KIRREL3: variants seen among roughly 807,000 people sequenced by gnomAD.
KIRREL3 encodes kirre like nephrin family adhesion molecule 3, also known as kin of IRRE-like protein 3.
A neutral mutation model predicts 89.7 loss-of-function variants in KIRREL3; 36 were observed. The observed-to-expected ratio is 0.40, with a 90% CI of 0.31 to 0.53. KIRREL3 has a LOEUF of 0.53. Ranked by LOEUF, KIRREL3 falls within the 20% of genes least tolerant of loss-of-function variation. The pLI, the probability that KIRREL3 is intolerant of heterozygous loss-of-function variation, is 0.49. For synonymous variants in KIRREL3, 445 were observed against 441.4 expected (o/e 1.01, Z -0.10); for missense variants, 864 against 1,056.6 (o/e 0.82, Z 2.53).
chr11:126,819,714 G>A (rs1202970679), intron 1 of KIRREL3, among the ~76,000 whole-genome samples: 1 of 152,242 alleles, frequency 6.6e-6, no homozygotes, highest in Non-Finnish European at 1.5e-5. Context: ...CCAATGCCTA[G>A]GCCTGTCAAG....
At position 126,925,102 on chromosome 11, in the gene KIRREL3, G is replaced by T. The variant is rs928593996; in HGVS notation, c.55+75353C>A. The stretch of plus-strand genomic sequence containing the variant: ...CCTCCTCACCATAAAAAGGTCGGGG[G>T]GGGGGGGGGGCTGTTGGTCACAGGA... On this transcript the variant is annotated intron_variant, in intron 1 of 16. Coordinates refer to ENST00000525144, the MANE Select transcript of KIRREL3 (RefSeq NM_032531.4). Among the ~76,000 whole-genome samples, 52 of 116,774 alleles carry T rather than the reference G, an allele frequency of 4.5e-4. 2 individuals are homozygous for T. In the Middle Eastern group the frequency reaches 0.03, roughly 67 times the overall value. 76.6% of individuals were successfully genotyped at this position (116,774 alleles called of 152,430 possible). A position where few individuals can be genotyped will look rare whatever the true frequency, so the allele number is the denominator to read the frequency against.
Position 126,608,817 on chromosome 11 carries a change from T to C in KIRREL3, c.56-45905A>G, listed in dbSNP as rs1943000151. Among the ~76,000 whole-genome samples, 1 of 151,836 alleles carries C rather than the reference T, an allele frequency of 6.6e-6. No individual in the cohort carries two copies. ...TTTCCTGGGGCCTAACTGCTGGGAG[T>C]GCACTTCTGGAGTGGAGATGGGCAA... On this transcript the variant is annotated intron_variant, in intron 1 of 16. Transcript: ENST00000525144. The surrounding 1 kb of genome is among the most constrained non-coding windows in gnomAD (Gnocchi z 4.9).
At position 126,978,129 on chromosome 11, in the gene KIRREL3, G is replaced by A. The variant is rs771491236; in HGVS notation, c.55+22326C>T. Among the ~76,000 whole-genome samples, 13 of 152,158 alleles carry A rather than the reference G, an allele frequency of 8.5e-5. No homozygotes were observed. In the South Asian group the frequency reaches 1.5e-3, roughly 17 times the overall value. ...GGGATAATGGTCAGCACATTGTGGC[G>A]TTGGATTTTTCTGCTACTTAAATTT... is the stretch of plus-strand genomic sequence containing the variant. On this transcript the variant is annotated intron_variant, in intron 1 of 16. Coordinates refer to ENST00000525144, the MANE Select transcript of KIRREL3 (RefSeq NM_032531.4). The surrounding 1 kb of genome is among the most constrained non-coding windows in gnomAD (Gnocchi z 4.2).
intron 1 of KIRREL3, among the ~76,000 whole-genome samples, chr11:126,975,552 A>G (rs941833847): frequency 6.6e-5 from 10 of 152,138 alleles, no homozygotes; most frequent in Non-Finnish European, 4.4e-5. Flanking sequence ...TGTTGATTAG[A>G]ATTCTGCTCT....
intron 5 of KIRREL3, among the ~76,000 whole-genome samples, chr11:126,467,597 C>G (rs1956766990): frequency 6.6e-6 from 1 of 152,086 alleles, no homozygotes; most frequent in Non-Finnish European, 1.5e-5. Flanking sequence ...CTCGCTTCTC[C>G]CCGCTACTCA....
At position 126,697,737 on chromosome 11, in the gene KIRREL3, G is replaced by A. The variant is rs1050537777; in HGVS notation, c.56-134825C>T. Among the ~76,000 whole-genome samples, 2 of 152,148 alleles carry A rather than the reference G, an allele frequency of 1.3e-5. No homozygotes were observed. Among genetic ancestry groups the A allele is most frequent in the African/African-American group, 4.8e-5 (2 of 41,430 alleles). On this transcript the variant is annotated intron_variant, in intron 1 of 16. Coordinates refer to ENST00000525144, the MANE Select transcript of KIRREL3 (RefSeq NM_032531.4). This position sits in a 1 kb window ranked among gnomAD's most constrained non-coding sequence, Gnocchi z 4.2. ...ACTTGCCGGGGACTCAGCTTCTCCC[G>A]GGGCCTCCGGGTGGGTCCCATGATT...
At position 126,666,891 on chromosome 11, in the gene KIRREL3, G is replaced by A. The variant is rs1945688459; in HGVS notation, c.56-103979C>T. 6.6e-6 allele frequency among the ~76,000 whole-genome samples: 1 copy of A among 152,164 alleles called. No individual in the cohort carries two copies. Among genetic ancestry groups the A allele is most frequent in the Non-Finnish European group, 1.5e-5 (1 of 68,030 alleles). ...TACAGGTTTGATGAAAGGTCCCTGG[G>A]GAATGAGAGGGCTTAGCCAACAGTC... On this transcript the variant is annotated intron_variant, in intron 1 of 16. Transcript: ENST00000525144. This position sits in a 1 kb window ranked among gnomAD's most constrained non-coding sequence, Gnocchi z 4.2.
At chr11:126,759,287 G>T (rs573109523) in intron 1 of KIRREL3, among the ~76,000 whole-genome samples, 7 of 152,182 alleles carry the variant, frequency 4.6e-5, no homozygotes, top group African/African-American at 1.7e-4. Context: ...CCGCCACCAT[G>T]CCTGGCTAAT....
At chr11:126,884,554 C>T (rs1329217677) in intron 1 of KIRREL3, among the ~76,000 whole-genome samples, 5 of 152,298 alleles carry the variant, frequency 3.3e-5, no homozygotes, top group African/African-American at 1.2e-4. Context: ...TGACTGGGTT[C>T]ATGACAGACA....
Position 126,993,709 on chromosome 11 carries a change from G to T in KIRREL3, c.55+6746C>A. The stretch of plus-strand genomic sequence containing the variant: ...AGTGAGTGCTGGCTGAGTGGTCAAG[G>T]GCTGAGCCTTAGTGTCATAAAATGG... On this transcript the variant is annotated intron_variant, in intron 1 of 16. Transcript: ENST00000525144. This position sits in a 1 kb window ranked among gnomAD's most constrained non-coding sequence, Gnocchi z 6.1. Among the ~76,000 whole-genome samples the T allele has an allele frequency of 6.6e-6, 1 of 152,164 alleles. No individual in the cohort carries two copies. The highest frequency in any genetic ancestry group is 1.9e-4 in the East Asian group (1 of 5,188).
chr11:126,944,039 C>T (rs554443793), intron 1 of KIRREL3, among the ~76,000 whole-genome samples: 1 of 152,244 alleles, frequency 6.6e-6, no homozygotes, highest in African/African-American at 2.4e-5. Flanking sequence ...TCCAGGTGCC[C>T]TCCCTACCCG....
At chr11:126,567,956 G>T (rs1940640322) in intron 1 of KIRREL3, among the ~76,000 whole-genome samples, 1 of 152,212 alleles carries the variant, frequency 6.6e-6, no homozygotes, top group African/African-American at 2.4e-5. Context: ...AGGCCTTCCT[G>T]TCCTGTCCCC....
At position 126,686,630 on chromosome 11, in the gene KIRREL3, A is replaced by G. The variant is rs1470926238; in HGVS notation, c.56-123718T>C. Reference sequence around the variant, plus strand: ...AGTCTCACTGTGTGGCACAGGCTGGAGTGCAGTGGCGTGATCTTGGCTCAC... The same window carrying G: ...AGTCTCACTGTGTGGCACAGGCTGGGGTGCAGTGGCGTGATCTTGGCTCAC... On this transcript the variant is annotated intron_variant, in intron 1 of 16. Coordinates refer to ENST00000525144, the MANE Select transcript of KIRREL3 (RefSeq NM_032531.4). This position sits in a 1 kb window ranked among gnomAD's most constrained non-coding sequence, Gnocchi z 4.7. 6.6e-6 allele frequency among the ~76,000 whole-genome samples: 1 copy of G among 152,106 alleles called. No homozygotes were observed. The highest frequency in any genetic ancestry group is 1.5e-5 in the Non-Finnish European group (1 of 68,008).
At position 126,697,596 on chromosome 11, in the gene KIRREL3, G is replaced by C. The variant is rs1454844298; in HGVS notation, c.56-134684C>G. Among the ~76,000 whole-genome samples, 1 of 152,190 alleles carries C rather than the reference G, an allele frequency of 6.6e-6. No individual in the cohort carries two copies. The highest frequency in any genetic ancestry group is 1.5e-5 in the Non-Finnish European group (1 of 68,034). Reference sequence around the variant, plus strand: ...TAGAGATGAGGCCCCAGGACCTATAGCTTTAGATCCAAAAGAGGTCAGAAG... The same window carrying C: ...TAGAGATGAGGCCCCAGGACCTATACCTTTAGATCCAAAAGAGGTCAGAAG... On this transcript the variant is annotated intron_variant, in intron 1 of 16. Coordinates refer to ENST00000525144, the MANE Select transcript of KIRREL3 (RefSeq NM_032531.4). The surrounding 1 kb of genome is among the most constrained non-coding windows in gnomAD (Gnocchi z 4.2).
chr11:126,789,177 C>T (rs557848248), intron 1 of KIRREL3, among the ~76,000 whole-genome samples: 2 of 152,272 alleles, frequency 1.3e-5, no homozygotes, highest in Admixed American at 6.5e-5. Context: ...ACAGTTGGCA[C>T]GTAATGCAGG....
chr11:126,518,105 C>T (rs1958473859), intron 4 of KIRREL3, among the ~76,000 whole-genome samples: 1 of 152,234 alleles, frequency 6.6e-6, no homozygotes, highest in Admixed American at 6.5e-5. Flanking sequence ...TTTCCCTCCT[C>T]ATTTCCTGGC....
At chr11:126,483,220 C>T (rs1218670247) in intron 4 of KIRREL3, among the ~76,000 whole-genome samples, 3 of 152,190 alleles carry the variant, frequency 2.0e-5, no homozygotes, top group South Asian at 4.1e-4. Context: ...AGGTCATACC[C>T]CCTTTTTTGT....
At chr11:126,573,287 C>A (rs1024520873) in intron 1 of KIRREL3, among the ~76,000 whole-genome samples, 8 of 152,204 alleles carry the variant, frequency 5.3e-5, no homozygotes, top group Non-Finnish European at 1.5e-5. Context: ...GGAGGGAGGG[C>A]TCTCCAGCTC....
At position 126,837,919 on chromosome 11, in the gene KIRREL3, T is replaced by C. The variant is rs1209923730; in HGVS notation, c.55+162536A>G. Among the ~76,000 whole-genome samples the C allele has an allele frequency of 6.6e-6, 1 of 152,218 alleles. No homozygotes were observed. Among genetic ancestry groups the C allele is most frequent in the Non-Finnish European group, 1.5e-5 (1 of 68,044 alleles). On this transcript the variant is annotated intron_variant, in intron 1 of 16. Transcript: ENST00000525144. This position sits in a 1 kb window ranked among gnomAD's most constrained non-coding sequence, Gnocchi z 4.7. ...GCCATTTACAGAAATAGGTCTAGGA[T>C]ATAATCTGTAGTTAAATGCATAGTT...
Sources: gnomAD v4.1 joint callset for allele counts (sites outside exome capture counted in the v4.1 genomes callset) on GRCh38, gnomAD v4.1.1 for gene constraint, Gnocchi (gnomAD v3.1) non-coding constraint, MANE v1.5 for transcripts, NCBI Gene and HGNC (gene_info 2026-07-23, HGNC 2026-07-21) for gene names.